Variants in TENM4 observed in about 807,000 individuals in gnomAD.
TENM4 encodes teneurin transmembrane protein 4, also known as teneurin-4.
In TENM4, 82 loss-of-function variants were observed where a neutral mutation model predicts 243.3. The ratio of observed to expected loss-of-function variants is 0.34; its 90% CI spans 0.28 to 0.40. TENM4 has a LOEUF of 0.40. TENM4 is among the 10% of genes least tolerant of loss of function. The probability of loss-of-function intolerance (pLI) is 1.00; values close to 1 mark genes in which losing one functional copy is unlikely to be tolerated. For missense variants in TENM4, 3,138 were observed against 3,673.3 expected (o/e 0.85, Z 3.77); for synonymous variants, 1,412 against 1,456.3 (o/e 0.97, Z 0.69).
intron 2 of TENM4, among the ~76,000 whole-genome samples, chr11:79,235,189 T>C (rs1420280408): frequency 6.6e-6 from 1 of 152,148 alleles, no homozygotes; most frequent in Non-Finnish European, 1.5e-5. Context: ...GGTGTGTGCC[T>C]GTAATCCCAG....
chr11:79,113,334 TC>T (rs1364001217), intron 4 of TENM4, among the ~76,000 whole-genome samples: 1 of 151,828 alleles, frequency 6.6e-6, no homozygotes, highest in East Asian at 1.9e-4. Context: ...ATCCTTCATA[TC>T]CTGAATCTCT....
intron 4 of TENM4, among the ~76,000 whole-genome samples, chr11:79,147,345 G>C (rs1052758080): frequency 2.6e-5 from 4 of 152,054 alleles, no homozygotes; most frequent in African/African-American, 9.7e-5. Context: ...TTACCATCTA[G>C]GACCGGGGCT....
chr11:78,711,957 T>C (rs1859408037), intron 26 of TENM4, among the ~76,000 whole-genome samples: 1 of 152,210 alleles, frequency 6.6e-6, no homozygotes, highest in African/African-American at 2.4e-5. Context: ...ATTGTGATTG[T>C]GGGCATTTAG....
At chr11:79,304,006 A>G (rs1856588783) in intron 1 of TENM4, among the ~76,000 whole-genome samples, 1 of 152,140 alleles carries the variant, frequency 6.6e-6, no homozygotes, top group African/African-American at 2.4e-5. Context: ...AGGAGTGGGA[A>G]TGGAATATGA....
intron 4 of TENM4, among the ~76,000 whole-genome samples, chr11:79,129,903 T>C (rs1450344463): frequency 6.6e-6 from 1 of 152,064 alleles, no homozygotes; most frequent in African/African-American, 2.4e-5. Flanking sequence ...CTCTGGAAAG[T>C]GTCACCTCCT....
intron 1 of TENM4, among the ~76,000 whole-genome samples, chr11:79,400,099 C>CCACACACA (rs71050221): frequency 0.019 from 2,652 of 140,622 alleles, 47 homozygotes; most frequent in Admixed American, 0.032. Context: ...TAAACACACA[C>CCACACACA]CACACACACA....
intron 1 of TENM4, among the ~76,000 whole-genome samples, chr11:79,344,534 G>C (rs1415744274): frequency 6.6e-6 from 1 of 152,142 alleles, no homozygotes; most frequent in Non-Finnish European, 1.5e-5. Flanking sequence ...CCCCAGAAGG[G>C]GTCTGCATGC....
intron 6 of TENM4, among the ~76,000 whole-genome samples, chr11:78,921,483 T>A (rs970304123): frequency 7.2e-5 from 11 of 152,354 alleles, no homozygotes; most frequent in African/African-American, 2.6e-4. Context: ...AGTCTGACTG[T>A]CCCCTTTACA....
At chr11:79,265,280 A>T (rs965105790) in intron 2 of TENM4, among the ~76,000 whole-genome samples, 1 of 152,116 alleles carries the variant, frequency 6.6e-6, no homozygotes, top group African/African-American at 2.4e-5. Flanking sequence ...GGTCTCGGAC[A>T]TTCCTTGGTT....
At chr11:79,236,311 C>G (rs1423074962) in intron 2 of TENM4, among the ~76,000 whole-genome samples, 5 of 152,222 alleles carry the variant, frequency 3.3e-5, no homozygotes, top group Non-Finnish European at 7.3e-5. Flanking sequence ...TTCCTGCCTT[C>G]TAGTCGAAGT....
chr11:78,930,820 A>G (rs1856651303), intron 6 of TENM4, among the ~76,000 whole-genome samples: 1 of 152,190 alleles, frequency 6.6e-6, no homozygotes, highest in Non-Finnish European at 1.5e-5. Context: ...GACTGTGGCA[A>G]TGATTAAAAC....
intron 3 of TENM4, among the ~76,000 whole-genome samples, chr11:79,211,342 A>C (rs1020741492): frequency 8.6e-5 from 13 of 151,930 alleles, no homozygotes; most frequent in Non-Finnish European, 1.9e-4. Context: ...TACTAGATTC[A>C]CGGTTGACTT....
At chr11:78,995,184 C>A (rs575972762) in intron 6 of TENM4, among the ~76,000 whole-genome samples, 1 of 152,200 alleles carries the variant, frequency 6.6e-6, no homozygotes, top group South Asian at 2.1e-4. Flanking sequence ...AAAATAGCAA[C>A]AAGATAATCA....
chr11:79,273,785 T>C (rs1171955843), intron 2 of TENM4, among the ~76,000 whole-genome samples: 2 of 152,160 alleles, frequency 1.3e-5, no homozygotes, highest in Non-Finnish European at 2.9e-5. Context: ...TGCCCTGAAC[T>C]CCTAAAACAA....
At chr11:78,811,826 A>G (rs1350119641) in intron 14 of TENM4, among the ~76,000 whole-genome samples, 1 of 152,156 alleles carries the variant, frequency 6.6e-6, no homozygotes, top group Admixed American at 6.5e-5. Context: ...TAAAGTAGAG[A>G]TGATTACTCC....
intron 1 of TENM4, among the ~76,000 whole-genome samples, chr11:79,397,671 G>T (rs1417783377): frequency 6.6e-6 from 1 of 152,206 alleles, no homozygotes; most frequent in Non-Finnish European, 1.5e-5. Context: ...AGCCAGGAAG[G>T]CAAAAGCCAG....
chr11:79,435,031 T>G (rs1859243832), intron 1 of TENM4, among the ~76,000 whole-genome samples: 1 of 152,178 alleles, frequency 6.6e-6, no homozygotes, highest in Non-Finnish European at 1.5e-5. Flanking sequence ...AAAGAGAGCA[T>G]GAAAAGTTTT....
intron 3 of TENM4, among the ~76,000 whole-genome samples, chr11:79,152,214 T>C (rs1303390189): frequency 6.6e-6 from 1 of 152,176 alleles, no homozygotes; most frequent in Non-Finnish European, 1.5e-5. Context: ...TGGTGGCTTT[T>C]GATATTCTCC....
intron 1 of TENM4, among the ~76,000 whole-genome samples, chr11:79,301,462 A>G (rs749255389): frequency 6.6e-6 from 1 of 152,108 alleles, no homozygotes; most frequent in Non-Finnish European, 1.5e-5. Context: ...CTCGACTCCA[A>G]TGCCATCTCC....
Sources: gnomAD v4.1 joint callset for allele counts (sites outside exome capture counted in the v4.1 genomes callset) on GRCh38, gnomAD v4.1.1 for gene constraint, MANE v1.5 for transcripts, NCBI Gene and HGNC (gene_info 2026-07-23, HGNC 2026-07-21) for gene names.